NBAS: variants seen among roughly 807,000 people sequenced by gnomAD.
NBAS encodes the protein NAG/BC035112 fusion.
NBAS carries 219 observed loss-of-function variants against 302.5 expected under a neutral mutation model. The ratio of observed to expected loss-of-function variants is 0.72; its 90% CI spans 0.65 to 0.81. NBAS has a LOEUF of 0.81. NBAS is among the 30% of genes least tolerant of loss of function. The pLI is 0.00. For synonymous variants in NBAS, 1,118 were observed against 1,021.6 expected, an observed-to-expected ratio of 1.09 and a Z score of -1.80; for missense variants, 2,932 against 2,841.6, an observed-to-expected ratio of 1.03 and a Z score of -0.72.
the NBAS span, among the ~76,000 whole-genome samples, chr2:14,876,597 G>A: frequency 6.6e-6 from 1 of 152,226 alleles, no homozygotes; most frequent in Non-Finnish European, 1.5e-5. Context: ...GTATTGCAGT[G>A]TTATTGGGAA....
At chr2:14,952,651 T>A in the NBAS span, among the ~76,000 whole-genome samples, 3 of 152,368 alleles carry the variant, frequency 2.0e-5, no homozygotes, top group South Asian at 4.1e-4. Flanking sequence ...CAGTCATGCA[T>A]GCTTTTAAGC....
chr2:15,467,536 AGAT>A, intron 18 of NBAS, 125 bp downstream of exon 18: 1 of 1,268,566 alleles, frequency 7.9e-7, no homozygotes, highest in South Asian at 1.2e-5. Context: ...CACAAGGGTA[AGAT>A]AATAGTAAGT....
chr2:15,513,236 G>T (rs1026878304), intron 9 of NBAS, among the ~76,000 whole-genome samples: 2 of 152,144 alleles, frequency 1.3e-5, no homozygotes, highest in African/African-American at 2.4e-5. Context: ...TCAGCAAATT[G>T]GAAGTAAAAA....
At chr2:15,178,434 A>G (rs1252012220) in intron 51 of NBAS, among the ~76,000 whole-genome samples, 1 of 152,264 alleles carries the variant, frequency 6.6e-6, no homozygotes, top group Non-Finnish European at 1.5e-5. Flanking sequence ...CCTAATCATA[A>G]TAACAAGGCA....
chr2:14,965,286 C>A, the NBAS span, among the ~76,000 whole-genome samples: 647 of 152,114 alleles, frequency 4.3e-3, 3 homozygotes, highest in African/African-American at 0.015. Flanking sequence ...TGAGACCCCC[C>A]CTACCCAGAC....
intron 9 of NBAS, among the ~76,000 whole-genome samples, chr2:15,519,376 G>A (rs78226159): frequency 8.0e-4 from 122 of 152,138 alleles, no homozygotes; most frequent in Admixed American, 1.6e-3. Context: ...TTCATATAGA[G>A]GAATAAATAT....
intron 12 of NBAS, among the ~76,000 whole-genome samples, chr2:15,486,890 C>CA (rs1464699774): frequency 2.1e-5 from 3 of 144,112 alleles, no homozygotes; most frequent in Non-Finnish European, 4.6e-5. Flanking sequence ...ATAAGGGCCA[C>CA]AAAAAAAGAT....
the NBAS span, among the ~76,000 whole-genome samples, chr2:15,039,027 A>AAC: frequency 1.3e-5 from 2 of 152,184 alleles, no homozygotes; most frequent in Non-Finnish European, 2.9e-5. Context: ...CTAGGAATAA[A>AAC]TATTTGTAAT....
At chr2:15,003,365 T>C in the NBAS span, among the ~76,000 whole-genome samples, 2 of 152,180 alleles carry the variant, frequency 1.3e-5, no homozygotes, top group Non-Finnish European at 2.9e-5. Flanking sequence ...ATGCTTTTGA[T>C]AAATACACAG....
the NBAS span, among the ~76,000 whole-genome samples, chr2:14,965,298 G>T: frequency 6.6e-6 from 1 of 151,946 alleles, no homozygotes; most frequent in South Asian, 2.1e-4. Context: ...TACCCAGACT[G>T]GTTAGTTAGA....
chr2:15,472,759 C>T (rs943056550), intron 16 of NBAS, among the ~76,000 whole-genome samples: 10 of 152,342 alleles, frequency 6.6e-5, no homozygotes, highest in African/African-American at 2.4e-4. Context: ...AGGGGCCTCC[C>T]TTCCAAGTTC....
chr2:15,057,119 C>T, the NBAS span, among the ~76,000 whole-genome samples: 3 of 152,062 alleles, frequency 2.0e-5, no homozygotes, highest in African/African-American at 4.8e-5. Context: ...TGTGAGCCAC[C>T]GCACCCTGCC....
At chr2:15,436,978 C>G (rs555953982) in intron 21 of NBAS, among the ~76,000 whole-genome samples, 3 of 152,158 alleles carry the variant, frequency 2.0e-5, no homozygotes, top group Non-Finnish European at 2.9e-5. Context: ...AAAACAAAAA[C>G]TATCCCCAAA....
intron 25 of NBAS, 83 bp downstream of exon 25, chr2:15,415,463 C>T (rs1676880767): frequency 8.0e-7 from 1 of 1,246,598 alleles, no homozygotes; most frequent in Non-Finnish European, 1.2e-6. Context: ...ATCTGCAAAG[C>T]CTACCATAAA....
At chr2:15,128,088 C>A in the NBAS span, among the ~76,000 whole-genome samples, 1 of 152,210 alleles carries the variant, frequency 6.6e-6, no homozygotes, top group South Asian at 2.1e-4. Flanking sequence ...CAGCAGCATC[C>A]CTGGAGGAAA....
At chr2:15,268,613 C>T (rs1669181720) in intron 44 of NBAS, among the ~76,000 whole-genome samples, 1 of 152,168 alleles carries the variant, frequency 6.6e-6, no homozygotes, top group Non-Finnish European at 1.5e-5. Context: ...CTCGCTGGAG[C>T]CCACAAATAG....
At chr2:14,943,554 G>C in the NBAS span, among the ~76,000 whole-genome samples, 1 of 152,140 alleles carries the variant, frequency 6.6e-6, no homozygotes, top group Non-Finnish European at 1.5e-5. Context: ...CATTATTAAT[G>C]CATCACCTTC....
chr2:15,503,151 C>T (rs1661659280), intron 11 of NBAS, among the ~76,000 whole-genome samples: 1 of 152,150 alleles, frequency 6.6e-6, no homozygotes, highest in South Asian at 2.1e-4. Context: ...TGGTAACACT[C>T]ATGGAGTTGT....
chr2:14,951,910 G>A, the NBAS span, among the ~76,000 whole-genome samples: 1 of 152,316 alleles, frequency 6.6e-6, no homozygotes, highest in Non-Finnish European at 1.5e-5. Context: ...CAACCCGGCT[G>A]TCTTCCTCCG....
Sources: gnomAD v4.1 joint callset for allele counts (sites outside exome capture counted in the v4.1 genomes callset) on GRCh38, gnomAD v4.1.1 for gene constraint, MANE v1.5 for transcripts, NCBI Gene and HGNC (gene_info 2026-07-23, HGNC 2026-07-21) for gene names.